Variants in ADAM19 observed in about 807,000 individuals in gnomAD.
The protein encoded by ADAM19 is ADAM metallopeptidase domain 19, also known as disintegrin and metalloproteinase domain-containing protein 19.
In ADAM19, 65 loss-of-function variants were observed where a neutral mutation model predicts 114.7. The ratio of observed to expected loss-of-function variants is 0.57; its 90% CI spans 0.46 to 0.70. The LOEUF (loss-of-function observed/expected upper bound fraction) is 0.70. Among genes scored for constraint, ADAM19 ranks in the 30% least tolerant of loss-of-function variants. The pLI, the probability that ADAM19 is intolerant of heterozygous loss-of-function variation, is 0.00. For synonymous variants in ADAM19, 466 were observed against 460.5 expected (o/e 1.01, Z -0.15); for missense variants, 1,063 against 1,204.7 (o/e 0.88, Z 1.74).
Position 157,477,344 on chromosome 5 carries a change from C to G in ADAM19, c.*3605G>C. The G allele has an allele frequency of 1.0e-6, 1 of 995,922 alleles. No homozygotes were observed. The allele number at this position is 995,922 out of a possible 1,614,324, so 61.7% of individuals were successfully genotyped here. On this transcript the variant is annotated 3_prime_UTR_variant, in exon 23 of 23. Coordinates refer to ENST00000257527, the MANE Select transcript of ADAM19 (RefSeq NM_033274.5). ...CAAACAATTCATTTTTAATTAAATA[C>G]TAACAAGGAAAAAAGGCACCATGGC...
Position 157,490,461 on chromosome 5 carries a change from G to A in ADAM19, c.2096-7C>T, listed in dbSNP as rs372328118. On this transcript the variant is annotated splice_polypyrimidine_tract_variant and splice_region_variant and intron_variant, in intron 18 of 22. Transcript: ENST00000257527. ...GCTACCACAGGACCCACACCTTCCA[G>A]AAACAGAACCCAAGTGGGAGATTTA... is the stretch of plus-strand genomic sequence containing the variant. The A allele has an allele frequency of 9.3e-6, 15 of 1,613,300 alleles. No individual in the cohort carries two copies. Among genetic ancestry groups the A allele is most frequent in the Non-Finnish European group, 1.3e-5 (15 of 1,179,696 alleles).
intron 8 of ADAM19, among the ~76,000 whole-genome samples, chr5:157,511,519 G>GA (rs1342385313): frequency 3.3e-5 from 5 of 152,096 alleles, no homozygotes; most frequent in African/African-American, 4.8e-5. Flanking sequence ...CAGATTCAGT[G>GA]AAATATCAGT....
chr5:157,512,852 A>C (rs1179145542), intron 8 of ADAM19, among the ~76,000 whole-genome samples: 1 of 152,076 alleles, frequency 6.6e-6, no homozygotes, highest in Non-Finnish European at 1.5e-5. Context: ...CAAACAGCCC[A>C]CTTCTCAACT....
chr5:157,563,472 C>A (rs535163826), intron 3 of ADAM19, among the ~76,000 whole-genome samples: 2 of 152,200 alleles, frequency 1.3e-5, no homozygotes, highest in Non-Finnish European at 2.9e-5. Flanking sequence ...ACAGGAAGGT[C>A]CTTCTTCATC....
intron 2 of ADAM19, chr5:157,566,643 C>A (rs934408910): frequency 2.6e-5 from 4 of 152,216 alleles, no homozygotes; most frequent in Admixed American, 6.5e-5. Context: ...AGAACAGATT[C>A]TTTGGAGTGT....
In ADAM19 at chr5:157,520,009, T is replaced by A; in HGVS notation, c.430A>T (p.Asn144Tyr). 6.2e-7 allele frequency: 1 copy of A among 1,614,054 alleles called. No individual in the cohort carries two copies. The highest frequency in any genetic ancestry group is 8.5e-7 in the Non-Finnish European group (1 of 1,179,944). Residue 144 changes from asparagine (N) to tyrosine (Y), a missense_variant, in exon 6 of 23, where the codon AAC becomes TAC. Physicochemically the swap from Asn to Tyr is moderately radical, Grantham distance 143. Transcript: ENST00000257527. ...AGGGGCTCGATGACGTAGCTGAGGT[T>A]GCTGCTCACCGTAATCAGTCCTCTG... Reference protein sequence around the residue: ...GIRGLITVSSNLSYVIEPLPD... With the variant: ...GIRGLITVSSYLSYVIEPLPD...
At chr5:157,494,166 AGATG>A (rs34885698) in intron 15 of ADAM19, among the ~76,000 whole-genome samples, 54,870 of 151,340 alleles carry the variant, frequency 0.36, 10,648 homozygotes, top group East Asian at 0.72. Flanking sequence ...ATGGACGGAC[AGATG>A]GATGGATGGA....
intron 15 of ADAM19, 73 bp downstream of exon 15, chr5:157,494,614 T>A: frequency 1.6e-6 from 2 of 1,280,276 alleles, no homozygotes; most frequent in Non-Finnish European, 2.2e-6. Context: ...ACTGCTGAGT[T>A]GGGCAACAGT....
At chr5:157,543,792 A>C (rs1472292624) in intron 3 of ADAM19, among the ~76,000 whole-genome samples, 1 of 152,092 alleles carries the variant, frequency 6.6e-6, no homozygotes, top group Non-Finnish European at 1.5e-5. Context: ...TATCAAGCAG[A>C]AATGGCAATG....
At chr5:157,522,757 G>T (rs1157232969) in intron 5 of ADAM19, among the ~76,000 whole-genome samples, 2 of 152,130 alleles carry the variant, frequency 1.3e-5, no homozygotes, top group Non-Finnish European at 2.9e-5. Flanking sequence ...CTGCACTCCA[G>T]CCTGGGCGAC....
intron 5 of ADAM19, among the ~76,000 whole-genome samples, chr5:157,529,230 G>A (rs1358675994): frequency 6.6e-6 from 1 of 151,854 alleles, no homozygotes; most frequent in African/African-American, 2.4e-5. Flanking sequence ...GTCTATCACT[G>A]CACAGAGGCA....
intron 5 of ADAM19, among the ~76,000 whole-genome samples, chr5:157,529,819 G>A (rs1016593018): frequency 4.6e-5 from 7 of 152,182 alleles, no homozygotes; most frequent in African/African-American, 1.7e-4. Context: ...CCAGCTCAAA[G>A]CCAGGTAGTC....
intron 3 of ADAM19, among the ~76,000 whole-genome samples, chr5:157,542,041 A>G (rs1484368846): frequency 1.3e-5 from 2 of 152,142 alleles, no homozygotes; most frequent in African/African-American, 4.8e-5. Context: ...AATTCTTCCA[A>G]GAGTCTCCAG....
At chr5:157,550,805 T>C (rs964693960) in intron 3 of ADAM19, among the ~76,000 whole-genome samples, 1 of 152,164 alleles carries the variant, frequency 6.6e-6, no homozygotes, top group Non-Finnish European at 1.5e-5. Context: ...AGATATAAAC[T>C]TGCAGAGGAG....
chr5:157,556,209 C>CTTTTTTTTTTT (rs68078503), intron 3 of ADAM19, among the ~76,000 whole-genome samples: 3 of 66,330 alleles, frequency 4.5e-5, no homozygotes, highest in Admixed American at 2.4e-4. Flanking sequence ...TTTTCTTTTT[C>CTTTTTTTTTTT]TTTTTTTTTT....
chr5:157,537,149 C>T (rs1023780877), intron 4 of ADAM19, among the ~76,000 whole-genome samples: 3 of 152,194 alleles, frequency 2.0e-5, no homozygotes, highest in African/African-American at 7.2e-5. Context: ...GCAAACATTG[C>T]CAGGTGTCCC....
chr5:157,555,455 G>A (rs560702485), intron 3 of ADAM19, among the ~76,000 whole-genome samples: 1 of 152,308 alleles, frequency 6.6e-6, no homozygotes, highest in South Asian at 2.1e-4. Context: ...TAACCACACA[G>A]ATTATTGCTC....
chr5:157,513,378 C>T, intron 8 of ADAM19, 56 bp downstream of exon 8: 1 of 1,544,550 alleles, frequency 6.5e-7, no homozygotes, highest in Non-Finnish European at 8.9e-7. Flanking sequence ...AGCTCCAGTG[C>T]CCTTGGAAGT....
intron 4 of ADAM19, 86 bp downstream of exon 4, chr5:157,537,827 C>A (rs1756806369): frequency 7.9e-7 from 1 of 1,262,516 alleles, no homozygotes; most frequent in African/African-American, 1.5e-5. Flanking sequence ...GAGGAGAGAC[C>A]AACTCCATCA....
Sources: allele counts gnomAD v4.1 joint callset (sites outside exome capture counted in the v4.1 genomes callset), GRCh38; gene constraint gnomAD v4.1.1; transcripts MANE v1.5; gene names NCBI Gene and HGNC (gene_info 2026-07-23, HGNC 2026-07-21).